The following CLCA4 variants were observed in gnomAD, a reference collection of about 807,000 sequenced individuals.
The protein encoded by CLCA4 is calcium-activated chloride channel regulator 4.
In CLCA4, 69 loss-of-function variants were observed where a neutral mutation model predicts 78.9. The observed-to-expected ratio is 0.87, with a 90% CI of 0.72 to 1.07. The LOEUF (loss-of-function observed/expected upper bound fraction) is 1.07. Ranked by LOEUF, CLCA4 falls within the 50% of genes least tolerant of loss-of-function variation. CLCA4 has a pLI of 0.00. For missense variants in CLCA4, 1,133 were observed against 1,095.8 expected (o/e 1.03, Z -0.48); for synonymous variants, 362 against 375.8 (o/e 0.96, Z 0.42).
rs1446883218 is a variant in CLCA4, at chr1:86,575,535, G to A, written c.1887G>A (p.Val629=). Residue 629 remains valine, a synonymous_variant, in exon 11 of 14, where the codon GTG becomes GTA. Coordinates refer to ENST00000370563, the MANE Select transcript of CLCA4 (RefSeq NM_012128.4). ...QGYVPVLGAN[V]TAFIESQNGH... ...ATGTACCTGTTCTTGGAGCCAATGT[G>A]ACTGCTTTCATTGAATCACAGAATG... 3 of 1,613,232 alleles carry A rather than the reference G, an allele frequency of 1.9e-6. No individual in the cohort carries two copies. The highest frequency in any genetic ancestry group is 2.2e-5 in the East Asian group (1 of 44,850).
rs955299629 is a variant in CLCA4, at chr1:86,562,956, T to C, written c.449-705T>C. Reference sequence around the variant, plus strand: ...CATTTTCAGATTCATATGAGGTCGTTTGAGCTACAGAAACACACATTGTAG... The same window carrying C: ...CATTTTCAGATTCATATGAGGTCGTCTGAGCTACAGAAACACACATTGTAG... On this transcript the variant is annotated intron_variant, in intron 3 of 13. Transcript: ENST00000370563. 5.9e-5 allele frequency among the ~76,000 whole-genome samples: 9 copies of C among 151,872 alleles called. No homozygotes were observed. In the South Asian group the frequency reaches 1.4e-3, roughly 24 times the overall value.
intron 1 of CLCA4, among the ~76,000 whole-genome samples, chr1:86,551,696 C>A (rs1032258330): frequency 6.6e-6 from 1 of 152,192 alleles, no homozygotes; most frequent in East Asian, 1.9e-4. Flanking sequence ...TGACGGGAGG[C>A]CTTCAGGAAC....
chr1:86,580,176 CTT>C lies in CLCA4; in HGVS notation c.2593_2594del (p.Leu865ValfsTer8), dbSNP rs1445654854. ...AAAGTATCCAACATTGCACAAGTAACTTTGTTTATCCCTCAAGCAAATCCTGA... is the reference window on the plus strand; with the variant it reads ...AAAGTATCCAACATTGCACAAGTAACTGTTTATCCCTCAAGCAAATCCTGA... On this transcript the variant is annotated frameshift_variant, in exon 14 of 14. Transcript: ENST00000370563. LOFTEE classifies it low-confidence loss of function (END_TRUNC). 1.2e-6 allele frequency: 2 copies of C among 1,612,564 alleles called. No individual in the cohort carries two copies. The highest frequency in any genetic ancestry group is 1.1e-5 in the South Asian group (1 of 90,990).
At chr1:86,558,259 A>T (rs1649908159) in intron 1 of CLCA4, among the ~76,000 whole-genome samples, 1 of 151,860 alleles carries the variant, frequency 6.6e-6, no homozygotes, top group African/African-American at 2.4e-5. Flanking sequence ...TATTATGTTG[A>T]CTTGTTTGAG....
chr1:86,565,377 A>G lies in CLCA4; in HGVS notation c.661A>G (p.Lys221Glu), dbSNP rs1384650859. 8 of 1,609,146 alleles carry G rather than the reference A, an allele frequency of 5.0e-6. No individual in the cohort carries two copies. The highest frequency in any genetic ancestry group is 6.8e-6 in the Non-Finnish European group (8 of 1,176,384). Residue 221 changes from lysine (K) to glutamate (E), a missense_variant, in exon 5 of 14, where the codon AAA becomes GAA. Transcript: ENST00000370563. ...RIDSTTKLYGKDCQFFPDKVQ... is the reference protein window; with the variant it reads ...RIDSTTKLYGEDCQFFPDKVQ... ...TGATTCTACAACAAAACTGTATGGA[A>G]AAGATTGTCAATTCTTTCCTGATAA...
At chr1:86,558,161 C>T (rs1169725116) in intron 1 of CLCA4, among the ~76,000 whole-genome samples, 1 of 152,042 alleles carries the variant, frequency 6.6e-6, no homozygotes, top group Non-Finnish European at 1.5e-5. Flanking sequence ...CCACTCTGTG[C>T]CTTTTAAGTG....
chr1:86,569,242 A>G (rs1467175850), intron 7 of CLCA4, among the ~76,000 whole-genome samples: 1 of 152,008 alleles, frequency 6.6e-6, no homozygotes, highest in Non-Finnish European at 1.5e-5. Flanking sequence ...GTAACATTTA[A>G]GCTCTGATTT....
At chr1:86,552,692 G>A (rs545976184) in intron 1 of CLCA4, 3 of 1,141,256 alleles carry the variant, frequency 2.6e-6, no homozygotes, top group East Asian at 2.4e-5. Context: ...GCTGGGGCAC[G>A]GGGTGACCGG....
At chr1:86,554,978 A>G (rs1649793367) in intron 1 of CLCA4, among the ~76,000 whole-genome samples, 1 of 149,434 alleles carries the variant, frequency 6.7e-6, no homozygotes, top group Non-Finnish European at 1.5e-5. Context: ...GCTTTTTTTC[A>G]CTTGCTTGTT....
At chr1:86,578,382 T>C (rs1047049738) in intron 12 of CLCA4, among the ~76,000 whole-genome samples, 2 of 152,026 alleles carry the variant, frequency 1.3e-5, no homozygotes, top group African/African-American at 4.8e-5. Flanking sequence ...CGGTTTGTTG[T>C]ACAGATTATT....
intron 12 of CLCA4, among the ~76,000 whole-genome samples, chr1:86,578,360 C>T (rs1189297245): frequency 6.6e-6 from 1 of 151,898 alleles, no homozygotes; most frequent in Non-Finnish European, 1.5e-5. Context: ...TATAGGTAAA[C>T]TCGTGTCATG....
At chr1:86,578,162 C>T in intron 12 of CLCA4, 90 bp downstream of exon 12, 4 of 1,162,822 alleles carry the variant, frequency 3.4e-6, no homozygotes, top group Non-Finnish European at 4.7e-6. Context: ...TTGATTAAAA[C>T]TCAAAATATA....
At position 86,575,268 on chromosome 1, in the gene CLCA4, A is replaced by G. The variant is rs565848048; in HGVS notation, c.1684-64A>G. Reference sequence around the variant, plus strand: ...ATTATATAATTTATTTTAGAATTACATAATGGAAATATAGAAAGTAGCTTG... The same window carrying G: ...ATTATATAATTTATTTTAGAATTACGTAATGGAAATATAGAAAGTAGCTTG... On this transcript the variant is annotated intron_variant, in intron 10 of 13. Transcript: ENST00000370563. The G allele has an allele frequency of 5.4e-6, 7 of 1,299,154 alleles. No homozygotes were observed. In the African/African-American group the frequency reaches 8.9e-5, roughly 17 times the overall value. The allele number at this position is 1,299,154 out of a possible 1,614,324, so 80.5% of individuals were successfully genotyped here. A position where few individuals can be genotyped will look rare whatever the true frequency, so the allele number is the denominator to read the frequency against.
chr1:86,552,140 T>A (rs552734223), intron 1 of CLCA4, among the ~76,000 whole-genome samples: 2 of 152,142 alleles, frequency 1.3e-5, no homozygotes, highest in African/African-American at 4.8e-5. Flanking sequence ...GCAAAGGATA[T>A]TTATAGAAAA....
At chr1:86,557,029 T>A (rs1324050235) in intron 1 of CLCA4, among the ~76,000 whole-genome samples, 6 of 152,130 alleles carry the variant, frequency 3.9e-5, no homozygotes, top group Non-Finnish European at 7.4e-5. Context: ...TTCTGAGGGG[T>A]CAGCATTAAC....
At chr1:86,566,390 A>G (rs1650191490) in intron 6 of CLCA4, among the ~76,000 whole-genome samples, 2 of 152,068 alleles carry the variant, frequency 1.3e-5, no homozygotes, top group Admixed American at 6.6e-5. Context: ...AGGACTTGGA[A>G]TCATGTCTTA....
At chr1:86,557,273 C>T (rs1025338372) in intron 1 of CLCA4, among the ~76,000 whole-genome samples, 2 of 151,982 alleles carry the variant, frequency 1.3e-5, no homozygotes, top group South Asian at 4.1e-4. Context: ...TTTGTTCTTG[C>T]TCCTCTAATT....
chr1:86,579,667 G>A, intron 13 of CLCA4, 80 bp downstream of exon 13: 4 of 999,290 alleles, frequency 4.0e-6, no homozygotes, highest in Non-Finnish European at 6.3e-6. Context: ...GTGGGTGGGG[G>A]GAGAATGGTT....
At chr1:86,562,719 T>A (rs1158452121) in intron 3 of CLCA4, among the ~76,000 whole-genome samples, 1 of 151,910 alleles carries the variant, frequency 6.6e-6, no homozygotes, top group African/African-American at 2.4e-5. Flanking sequence ...CCGAGCATAG[T>A]GGCAGGTGCC....
Sources: allele counts gnomAD v4.1 joint callset (sites outside exome capture counted in the v4.1 genomes callset), GRCh38; gene constraint gnomAD v4.1.1; transcripts MANE v1.5; gene names NCBI Gene and HGNC (gene_info 2026-07-23, HGNC 2026-07-21).